SH3BP5: variants seen among roughly 807,000 people sequenced by gnomAD.
SH3BP5 encodes the protein SH3 domain binding protein 5, also known as SH3 domain-binding protein 5.
Under a neutral mutation model 43.3 loss-of-function variants are expected in SH3BP5, and 22 were observed. That is an observed-to-expected ratio of 0.51 (90% CI 0.36 to 0.73). The LOEUF (loss-of-function observed/expected upper bound fraction) is 0.73. Ranked by LOEUF, SH3BP5 falls within the 30% of genes least tolerant of loss-of-function variation. SH3BP5 has a pLI of 0.00. For synonymous variants in SH3BP5, 255 were observed against 225.8 expected, an observed-to-expected ratio of 1.13 and a Z score of -1.16; for missense variants, 529 against 586.9, an observed-to-expected ratio of 0.90 and a Z score of 1.02.
intron 2 of SH3BP5, among the ~76,000 whole-genome samples, chr3:15,322,405 A>T (rs9878727): frequency 6.6e-6 from 1 of 152,140 alleles, no homozygotes; most frequent in Non-Finnish European, 1.5e-5. Context: ...TTAAAATGCT[A>T]ACGCCCCCAA....
chr3:15,320,418 T>A (rs192150684), intron 2 of SH3BP5, among the ~76,000 whole-genome samples: 6 of 152,310 alleles, frequency 3.9e-5, no homozygotes, highest in African/African-American at 1.4e-4. Flanking sequence ...CTCCAAGAGC[T>A]GCTTTGCAAA....
chr3:15,334,777 A>C (rs2124839632), upstream of SH3BP5, among the ~76,000 whole-genome samples: 1 of 150,342 alleles, frequency 6.7e-6, no homozygotes, highest in East Asian at 2.0e-4. Context: ...ATGGTGAAAC[A>C]CCATCTCTAC....
intron 2 of SH3BP5, among the ~76,000 whole-genome samples, chr3:15,305,534 A>G (rs1000308914): frequency 6.6e-6 from 1 of 152,230 alleles, no homozygotes; most frequent in African/African-American, 2.4e-5. Context: ...TCAGCAGGGA[A>G]GAATGGCGCC....
At chr3:15,274,097 T>A (rs1200488143) in intron 3 of SH3BP5, among the ~76,000 whole-genome samples, 1 of 151,688 alleles carries the variant, frequency 6.6e-6, no homozygotes, top group African/African-American at 2.4e-5. Flanking sequence ...TACAAAAAAA[T>A]TAGCTGGGTG....
At chr3:15,340,687 G>T (rs1269999286) in intron 1 of SH3BP5, among the ~76,000 whole-genome samples, 2 of 152,096 alleles carry the variant, frequency 1.3e-5, no homozygotes, top group Non-Finnish European at 2.9e-5. Context: ...ATAGGCGGAG[G>T]TTGCAGTAAG....
At chr3:15,287,006 C>T (rs1472043527) in intron 3 of SH3BP5, among the ~76,000 whole-genome samples, 2 of 152,192 alleles carry the variant, frequency 1.3e-5, no homozygotes, top group Non-Finnish European at 2.9e-5. Context: ...GAACACAGAT[C>T]AAGACTCAGG....
chr3:15,302,100 T>C (rs772601739), intron 3 of SH3BP5, among the ~76,000 whole-genome samples: 1 of 152,140 alleles, frequency 6.6e-6, no homozygotes, highest in Non-Finnish European at 1.5e-5. Flanking sequence ...CAGAAGCTTC[T>C]CCTCAAACCT....
intron 2 of SH3BP5, among the ~76,000 whole-genome samples, chr3:15,328,048 A>G (rs1372859619): frequency 6.6e-6 from 1 of 152,042 alleles, no homozygotes; most frequent in Non-Finnish European, 1.5e-5. Flanking sequence ...GGGAGTTTTT[A>G]ATTGCTTATG....
rs1235377630 is a variant in SH3BP5 at position 15,311,304 on chromosome 3, TC to T, written c.202-7074del. On this transcript the variant is annotated intron_variant, in intron 2 of 8. Transcript: ENST00000383791. ...CTGGAGGCCAGGTGCGGTGGCTCAC[TC>T]CTGTAATCCCAGCACTTTGGGAGGC... is the stretch of plus-strand genomic sequence containing the variant. 2.0e-5 allele frequency among the ~76,000 whole-genome samples: 3 copies of T among 152,110 alleles called. No individual in the cohort carries two copies. In the East Asian group the frequency reaches 5.8e-4, roughly 29 times the overall value.
chr3:15,335,674 C>T (rs1447309708), upstream of SH3BP5, among the ~76,000 whole-genome samples: 7 of 152,168 alleles, frequency 4.6e-5, no homozygotes, highest in Non-Finnish European at 8.8e-5. Context: ...GGGACATAAG[C>T]ATCTCAGATT....
chr3:15,283,342 A>C (rs1005105237), intron 3 of SH3BP5, among the ~76,000 whole-genome samples: 3 of 152,228 alleles, frequency 2.0e-5, no homozygotes, highest in African/African-American at 7.2e-5. Context: ...GGCTGCAGTA[A>C]GCCGAGATTG....
intron 2 of SH3BP5, among the ~76,000 whole-genome samples, chr3:15,324,645 G>A (rs1698414884): frequency 6.6e-6 from 1 of 152,164 alleles, no homozygotes; most frequent in Admixed American, 6.5e-5. Context: ...GCACAACTGA[G>A]TCTTACAGGA....
intron 3 of SH3BP5, among the ~76,000 whole-genome samples, chr3:15,288,354 G>A (rs1221249299): frequency 6.6e-6 from 1 of 152,216 alleles, no homozygotes. Context: ...ACCATCACAT[G>A]TACTAAAGTT....
chr3:15,290,183 A>G (rs1401199632), intron 3 of SH3BP5, among the ~76,000 whole-genome samples: 1 of 151,834 alleles, frequency 6.6e-6, no homozygotes, highest in Non-Finnish European at 1.5e-5. Flanking sequence ...AGTTGAGGTC[A>G]GGAGTTTGAG....
At chr3:15,299,202 T>C (rs561020339) in intron 3 of SH3BP5, among the ~76,000 whole-genome samples, 11 of 152,326 alleles carry the variant, frequency 7.2e-5, no homozygotes, top group East Asian at 3.9e-4. Context: ...CCCTACCATA[T>C]GCTGAAGGCC....
chr3:15,258,876 C>T lies in SH3BP5; in HGVS notation c.844G>A (p.Val282Met), dbSNP rs1304310229. 3 of 1,614,242 alleles carry T rather than the reference C, an allele frequency of 1.9e-6. No individual in the cohort carries two copies. Among genetic ancestry groups the T allele is most frequent in the African/African-American group, 1.3e-5 (1 of 75,074 alleles). Residue 282 changes from valine to methionine, a missense_variant, in exon 7 of 9, where the codon GTG (valine) becomes ATG (methionine). Around this residue, in one of 3 missense-constraint regions of SH3BP5, gnomAD observed 369 missense variants for 384.3 expected, o/e 0.96. Coordinates refer to ENST00000383791, the MANE Select transcript of SH3BP5 (RefSeq NM_004844.5). ...GVGAEGSSTS[V>M]EDLPGSKPEP... ...GGTTTGCTCCCTGGCAGATCCTCCACAGATGTGCTGCTGCCCTCAGCACCA... is the reference window on the plus strand; with the variant it reads ...GGTTTGCTCCCTGGCAGATCCTCCATAGATGTGCTGCTGCCCTCAGCACCA...
intron 2 of SH3BP5, among the ~76,000 whole-genome samples, chr3:15,324,834 T>G (rs949912336): frequency 6.6e-6 from 1 of 151,286 alleles, no homozygotes; most frequent in African/African-American, 2.4e-5. Flanking sequence ...GAGTTTTTGT[T>G]TGTACCATTG....
In SH3BP5 at chr3:15,288,480, G is replaced by A. The variant is rs1205020755; in HGVS notation, c.330+15623C>T. Among the ~76,000 whole-genome samples, 13 of 151,954 alleles carry A rather than the reference G, an allele frequency of 8.6e-5. No homozygotes were observed. In the East Asian group the frequency reaches 1.5e-3, roughly 18 times the overall value. On this transcript the variant is annotated intron_variant, in intron 3 of 8. Transcript: ENST00000383791. ...ACCGGTTGAAAGGCTATTTCAGGCC[G>A]GGGGCGGTGGCTAACGCCTGTAATC...
intron 2 of SH3BP5, among the ~76,000 whole-genome samples, chr3:15,304,916 C>T (rs1263102055): frequency 6.6e-6 from 1 of 150,726 alleles, no homozygotes; most frequent in Non-Finnish European, 1.5e-5. Context: ...GGGGAGATAT[C>T]GGTAGGATGG....
Sources: gnomAD v4.1 joint callset for allele counts (sites outside exome capture counted in the v4.1 genomes callset) on GRCh38, gnomAD v4.1.1 for gene constraint, gnomAD v4.1.1 regional missense constraint, MANE v1.5 for transcripts, NCBI Gene and HGNC (gene_info 2026-07-23, HGNC 2026-07-21) for gene names.